RBL2: variants seen among roughly 807,000 people sequenced by gnomAD.
RBL2 encodes retinoblastoma-like protein 2.
RBL2 carries 56 observed loss-of-function variants against 126.0 expected under a neutral mutation model. That is an observed-to-expected ratio of 0.44 (90% CI 0.36 to 0.56). The LOEUF (loss-of-function observed/expected upper bound fraction) is 0.56. RBL2 is among the 20% of genes least tolerant of loss of function. The probability of loss-of-function intolerance (pLI) is 0.00; values close to 1 mark genes in which losing one functional copy is unlikely to be tolerated. For synonymous variants in RBL2, 454 were observed against 478.5 expected, an observed-to-expected ratio of 0.95 and a Z score of 0.67; for missense variants, 1,229 against 1,398.2, an observed-to-expected ratio of 0.88 and a Z score of 1.93.
At position 53,451,717 on chromosome 16, in the gene RBL2, A is replaced by G; in HGVS notation, c.652A>G (p.Ile218Val). 1 of 1,613,072 alleles carries G rather than the reference A, an allele frequency of 6.2e-7. No homozygotes were observed. Reference protein sequence around the residue: ...FIYAKGNFPMISDDLVNSYHL... With the variant: ...FIYAKGNFPMVSDDLVNSYHL... ...TAATCCTGCAGGTAATTTCCCCATG[A>G]TTAGTGATGATTTGGTCAATTCTTA... Residue 218 changes from isoleucine (I) to valine (V), a missense_variant, in exon 5 of 22, where the codon ATT becomes GTT. Physicochemically the swap from Ile to Val is conservative, Grantham distance 29. This residue lies in a region of RBL2 where 1,070 missense variants were observed against 1,274.3 expected (regional missense o/e 0.84). Coordinates refer to ENST00000262133, the MANE Select transcript of RBL2 (RefSeq NM_005611.4).
At chr16:53,451,943 G>A (rs1002290061) in intron 5 of RBL2, 112 bp downstream of exon 5, 9 of 1,219,926 alleles carry the variant, frequency 7.4e-6, no homozygotes, top group Admixed American at 2.0e-5. Context: ...CTGTCATTAC[G>A]GCTATCCAGG....
Position 53,470,645 on chromosome 16 carries a change from A to G in RBL2, c.2508A>G (p.Leu836=), listed in dbSNP as rs2058314097. The change falls in exon 16 of 22, where the codon TTA becomes TTG. Residue 836 remains leucine (L), a synonymous_variant. Transcript: ENST00000262133. ...ATAGACCCAGGAAGACCAGCTCTTT[A>G]TCGCTTTTCTTTAGAAAGGTAATTT... ...SSNRPRKTSS[L]SLFFRKVYHL... 2 of 1,613,968 alleles carry G rather than the reference A, an allele frequency of 1.2e-6. No individual in the cohort carries two copies. Among genetic ancestry groups the G allele is most frequent in the Non-Finnish European group, 1.7e-6 (2 of 1,179,822 alleles).
chr16:53,461,739 A>G lies in RBL2; in HGVS notation c.1347-2A>G, dbSNP rs771449976. On this transcript the variant is annotated splice_acceptor_variant, in intron 9 of 21. Coordinates refer to ENST00000262133, the MANE Select transcript of RBL2 (RefSeq NM_005611.4). LOFTEE classifies it high-confidence loss of function. ...TATGTTATTTCTCATTACCTTTTTT[A>G]GGACATGTTCCAGAGATCCAACCCA... The G allele has an allele frequency of 2.5e-6, 4 of 1,573,212 alleles. No homozygotes were observed. Among genetic ancestry groups the G allele is most frequent in the South Asian group, 2.4e-5 (2 of 84,862 alleles).
chr16:53,474,352 T>C (rs1041569615), intron 17 of RBL2, among the ~76,000 whole-genome samples: 3 of 151,866 alleles, frequency 2.0e-5, no homozygotes, highest in African/African-American at 7.3e-5. Flanking sequence ...ATTTCGCTCT[T>C]GTTGCCCAGG....
At chr16:53,440,390 T>C (rs547669641) in intron 2 of RBL2, among the ~76,000 whole-genome samples, 5 of 152,324 alleles carry the variant, frequency 3.3e-5, no homozygotes, top group South Asian at 4.1e-4. Flanking sequence ...CTGAGTTACA[T>C]TGACCAAAGA....
chr16:53,484,892 A>T (rs1300504376), intron 21 of RBL2, among the ~76,000 whole-genome samples: 2 of 152,216 alleles, frequency 1.3e-5, no homozygotes, highest in Admixed American at 6.5e-5. Flanking sequence ...CACTCATGAA[A>T]AGAAAGTTGG....
intron 17 of RBL2, among the ~76,000 whole-genome samples, chr16:53,478,321 T>C (rs1038116159): frequency 2.0e-5 from 3 of 152,212 alleles, no homozygotes; most frequent in African/African-American, 7.2e-5. Context: ...GAGTTTATCC[T>C]ACCTGGAAGT....
In RBL2 at chr16:53,461,843, T is replaced by G; in HGVS notation, c.1449T>G (p.Cys483Trp). The stretch of plus-strand genomic sequence containing the variant: ...AGCCAGACGAGGATTTCAGTAATTG[T>G]GCTAAAGGTAAGGTTTAACATTGTT... The part of the protein sequence containing the change: ...HFQPDEDFSN[C>W]AKEIASKHFR... Residue 483 changes from cysteine to tryptophan, a missense_variant, in exon 10 of 22, where the codon TGT (cysteine) becomes TGG (tryptophan). Coordinates refer to ENST00000262133, the MANE Select transcript of RBL2 (RefSeq NM_005611.4). 6.2e-7 allele frequency: 1 copy of G among 1,609,168 alleles called. No individual in the cohort carries two copies. The highest frequency in any genetic ancestry group is 8.5e-7 in the Non-Finnish European group (1 of 1,175,926).
chr16:53,435,777 G>A, intron 1 of RBL2: 1 of 1,256,188 alleles, frequency 8.0e-7, no homozygotes, highest in Non-Finnish European at 1.0e-6. Flanking sequence ...TTGGCTATGT[G>A]TACTGATGAG....
chr16:53,438,911 C>A, intron 1 of RBL2, 105 bp from the exon 2 acceptor site: 1 of 691,710 alleles, frequency 1.4e-6, no homozygotes, highest in Non-Finnish European at 2.0e-6. Flanking sequence ...ACTAAGTTTC[C>A]CACAAAAATA....
At chr16:53,435,773 A>T in intron 1 of RBL2, 3 of 1,262,546 alleles carry the variant, frequency 2.4e-6, no homozygotes. Context: ...GTTTTTGGCT[A>T]TGTGTACTGA....
At chr16:53,440,743 C>T (rs1239706681) in intron 2 of RBL2, among the ~76,000 whole-genome samples, 4 of 151,752 alleles carry the variant, frequency 2.6e-5, no homozygotes, top group South Asian at 2.1e-4. Flanking sequence ...TTAGTAGAGA[C>T]GGGTTTCACC....
intron 2 of RBL2, among the ~76,000 whole-genome samples, chr16:53,441,485 G>T (rs1047385792): frequency 1.3e-5 from 2 of 152,118 alleles, no homozygotes; most frequent in Non-Finnish European, 2.9e-5. Context: ...CATTGGTTGG[G>T]GAGTGAATGC....
At chr16:53,469,824 A>G in intron 14 of RBL2, 92 bp from the exon 15 acceptor site, 1 of 1,354,866 alleles carries the variant, frequency 7.4e-7, no homozygotes, top group Non-Finnish European at 9.9e-7. Context: ...TATTTCAAAC[A>G]CTGTAGTTAT....
intron 1 of RBL2, among the ~76,000 whole-genome samples, chr16:53,436,027 A>G (rs1005595770): frequency 6.6e-6 from 1 of 152,234 alleles, no homozygotes; most frequent in Non-Finnish European, 1.5e-5. Flanking sequence ...TAAAGCACCC[A>G]TATGGACAGT....
intron 7 of RBL2, chr16:53,454,379 AT>A: frequency 2.7e-6 from 1 of 376,648 alleles, no homozygotes; most frequent in Non-Finnish European, 5.1e-6. Flanking sequence ...TAATTTTTGT[AT>A]TTTTAGTAGA....
chr16:53,469,804 A>G (rs1036059326), intron 14 of RBL2, 112 bp from the exon 15 acceptor site: 22 of 1,245,278 alleles, frequency 1.8e-5, no homozygotes, highest in Admixed American at 2.6e-5. Context: ...TTGCTTTTTG[A>G]ATTATGAAGT....
intron 2 of RBL2, 110 bp downstream of exon 2, chr16:53,439,256 G>A (rs1045619668): frequency 5.9e-6 from 6 of 1,019,236 alleles, no homozygotes; most frequent in Non-Finnish European, 7.9e-6. Flanking sequence ...TGTACCTGTG[G>A]ACTGGTGAAA....
Position 53,434,567 on chromosome 16 carries a change from G to C in RBL2, c.11G>C (p.Gly4Ala), listed in dbSNP as rs1364898026. ...GCCCAGGGGTGCGCTATGCCGTCGG[G>C]AGGTGACCAGTCGCCACCGCCCCCG... Reference protein sequence around the residue: MPSGGDQSPPPPPP... With the variant: MPSAGDQSPPPPPP... The change falls in exon 1 of 22, where the codon GGA becomes GCA. Residue 4 changes from glycine to alanine, a missense_variant. Gly to Ala is a moderately conservative substitution (Grantham distance 60). Coordinates refer to ENST00000262133, the MANE Select transcript of RBL2 (RefSeq NM_005611.4). 6.5e-7 allele frequency: 1 copy of C among 1,527,516 alleles called. No homozygotes were observed. Among genetic ancestry groups the C allele is most frequent in the Non-Finnish European group, 8.7e-7 (1 of 1,146,494 alleles). 94.6% of individuals were successfully genotyped at this position (1,527,516 alleles called of 1,614,324 possible).
Sources: allele counts gnomAD v4.1 joint callset (sites outside exome capture counted in the v4.1 genomes callset), GRCh38; gene constraint gnomAD v4.1.1; regional missense constraint gnomAD v4.1.1; transcripts MANE v1.5; gene names NCBI Gene and HGNC (gene_info 2026-07-23, HGNC 2026-07-21).